Variants in DGKI observed in about 807,000 individuals in gnomAD.
The protein encoded by DGKI is DAG kinase iota.
A neutral mutation model predicts 147.5 loss-of-function variants in DGKI; 55 were observed. The observed-to-expected ratio is 0.37, with a 90% CI of 0.30 to 0.47. DGKI has a LOEUF of 0.47. Ranked by LOEUF, DGKI falls within the 20% of genes least tolerant of loss-of-function variation. The probability of loss-of-function intolerance (pLI) is 1.00; values close to 1 mark genes in which losing one functional copy is unlikely to be tolerated. For missense variants in DGKI, 1,007 were observed against 1,323.8 expected, an observed-to-expected ratio of 0.76 and a Z score of 3.71; for synonymous variants, 469 against 477.1, an observed-to-expected ratio of 0.98 and a Z score of 0.22.
Position 137,777,966 on chromosome 7 carries a change from A to T in DGKI, c.401+68496T>A, listed in dbSNP as rs557070125. On this transcript the variant is annotated intron_variant, in intron 1 of 32. Transcript: ENST00000614521. ...CTATTCAGTCCGTTCACCTTCCCTTATTTCCTCAACAAGAATACTAGGCGA... is the reference window on the plus strand; with the variant it reads ...CTATTCAGTCCGTTCACCTTCCCTTTTTTCCTCAACAAGAATACTAGGCGA... Among the ~76,000 whole-genome samples, 4 of 152,286 alleles carry T rather than the reference A, an allele frequency of 2.6e-5. No homozygotes were observed. The East Asian group carries it at 7.7e-4, about 29-fold the overall frequency.
rs1585068380 is a variant in DGKI, at chr7:137,390,950, C to T, written c.*270G>A. The stretch of plus-strand genomic sequence containing the variant: ...ATACAGGTGAACACAGAAGTTCATG[C>T]TACTTGCTGGAAGCAATAAGGATCA... On this transcript the variant is annotated 3_prime_UTR_variant, in exon 33 of 33. Coordinates refer to ENST00000614521, the MANE Select transcript of DGKI (RefSeq NM_001321708.2). 3 of 451,270 alleles carry T rather than the reference C, an allele frequency of 6.6e-6. No homozygotes were observed. The highest frequency in any genetic ancestry group is 1.2e-5 in the Non-Finnish European group (3 of 251,076). The allele number at this position is 451,270 out of a possible 1,614,324, so 28.0% of individuals were successfully genotyped here.
chr7:137,830,307 G>A (rs917818022), intron 1 of DGKI, among the ~76,000 whole-genome samples: 1 of 152,226 alleles, frequency 6.6e-6, no homozygotes, highest in Admixed American at 6.5e-5. Context: ...TGGTATGTAG[G>A]TGTATCCTGC....
intron 28 of DGKI, among the ~76,000 whole-genome samples, chr7:137,423,860 ATTAT>A (rs1164658627): frequency 7.2e-5 from 11 of 152,178 alleles, no homozygotes; most frequent in Admixed American, 5.9e-4. Flanking sequence ...GATTATTTGC[ATTAT>A]TTATTTATCA....
At chr7:137,814,640 T>C (rs1797686798) in intron 1 of DGKI, among the ~76,000 whole-genome samples, 1 of 152,130 alleles carries the variant, frequency 6.6e-6, no homozygotes, top group African/African-American at 2.4e-5. Context: ...ATATACATCT[T>C]GGGAAAATAA....
intron 3 of DGKI, among the ~76,000 whole-genome samples, chr7:137,669,599 CGCAAAT>C (rs1822768973): frequency 6.6e-6 from 1 of 152,174 alleles, no homozygotes; most frequent in African/African-American, 2.4e-5. Flanking sequence ...TACACAAACA[CGCAAAT>C]GCAGCCTCAA....
intron 28 of DGKI, among the ~76,000 whole-genome samples, chr7:137,420,145 T>C (rs1812508491): frequency 6.6e-6 from 1 of 152,222 alleles, no homozygotes; most frequent in Admixed American, 6.5e-5. Flanking sequence ...GTGGGATTCC[T>C]GGGCTTCCCG....
chr7:137,746,396 A>G (rs1367161100), intron 1 of DGKI, among the ~76,000 whole-genome samples: 2 of 152,216 alleles, frequency 1.3e-5, no homozygotes, highest in African/African-American at 4.8e-5. Flanking sequence ...CCATGGTGGC[A>G]TGATTTGCGC....
chr7:137,429,619 C>T (rs1244165470), intron 28 of DGKI, among the ~76,000 whole-genome samples: 2 of 151,882 alleles, frequency 1.3e-5, no homozygotes, highest in Non-Finnish European at 2.9e-5. Flanking sequence ...AACAGGTAAC[C>T]TACAAAATGG....
intron 29 of DGKI, among the ~76,000 whole-genome samples, chr7:137,411,279 C>T (rs377430588): frequency 1.3e-5 from 2 of 151,880 alleles, no homozygotes; most frequent in East Asian, 3.9e-4. Context: ...CAGCCTGATG[C>T]CTGAAAACCA....
chr7:137,620,457 A>G (rs959814336), intron 7 of DGKI, among the ~76,000 whole-genome samples: 1 of 152,172 alleles, frequency 6.6e-6, no homozygotes, highest in African/African-American at 2.4e-5. Context: ...TATCATAGAT[A>G]TAAATCCTCC....
intron 1 of DGKI, among the ~76,000 whole-genome samples, chr7:137,752,362 C>T (rs1382973401): frequency 2.0e-5 from 3 of 152,120 alleles, no homozygotes; most frequent in Non-Finnish European, 2.9e-5. Context: ...AGGAAGGCCT[C>T]ATATTTATAA....
intron 8 of DGKI, among the ~76,000 whole-genome samples, chr7:137,613,526 G>A (rs759097309): frequency 2.6e-5 from 4 of 152,078 alleles, no homozygotes; most frequent in Non-Finnish European, 5.9e-5. Context: ...ATTATTGGTC[G>A]TTGCACAAAA....
At chr7:137,773,375 G>T (rs892565928) in intron 1 of DGKI, among the ~76,000 whole-genome samples, 3 of 152,152 alleles carry the variant, frequency 2.0e-5, no homozygotes, top group African/African-American at 7.2e-5. Context: ...TCAGGCGTTT[G>T]GCCAGAGAAA....
intron 1 of DGKI, among the ~76,000 whole-genome samples, chr7:137,786,829 C>G (rs948338545): frequency 1.3e-5 from 2 of 152,144 alleles, no homozygotes; most frequent in Admixed American, 1.3e-4. Context: ...CAAATACTTA[C>G]AGCCAACTGA....
chr7:137,784,873 T>C (rs1240704879), intron 1 of DGKI, among the ~76,000 whole-genome samples: 2 of 151,964 alleles, frequency 1.3e-5, no homozygotes, highest in Non-Finnish European at 2.9e-5. Flanking sequence ...TCCTGAATGA[T>C]CACTGGGTAA....
At chr7:137,519,875 C>T (rs1442361608) in intron 21 of DGKI, among the ~76,000 whole-genome samples, 1 of 152,010 alleles carries the variant, frequency 6.6e-6, no homozygotes, top group Non-Finnish European at 1.5e-5. Context: ...TTCTTCAAAT[C>T]CAAATCATTG....
At chr7:137,685,282 A>C (rs1221056874) in intron 2 of DGKI, among the ~76,000 whole-genome samples, 1 of 152,220 alleles carries the variant, frequency 6.6e-6, no homozygotes, top group African/African-American at 2.4e-5. Context: ...AATAAAATCA[A>C]GGGTGCTGGG....
At chr7:137,513,625 C>G (rs1288873055) in intron 21 of DGKI, among the ~76,000 whole-genome samples, 1 of 152,116 alleles carries the variant, frequency 6.6e-6, no homozygotes, top group African/African-American at 2.4e-5. Flanking sequence ...ATAGAGTGTA[C>G]TTAACACAAA....
intron 10 of DGKI, among the ~76,000 whole-genome samples, chr7:137,605,893 T>A (rs1160824547): frequency 1.3e-5 from 2 of 152,190 alleles, no homozygotes; most frequent in African/African-American, 4.8e-5. Context: ...GTTCTAGTGT[T>A]TGCACAGTGG....
Sources: gnomAD v4.1 joint callset for allele counts (sites outside exome capture counted in the v4.1 genomes callset) on GRCh38, gnomAD v4.1.1 for gene constraint, MANE v1.5 for transcripts, NCBI Gene and HGNC (gene_info 2026-07-23, HGNC 2026-07-21) for gene names.